Variants in FRMD4A observed in about 807,000 individuals in gnomAD.
FRMD4A encodes the protein FERM domain-containing protein 4A.
In FRMD4A, 29 loss-of-function variants were observed where a neutral mutation model predicts 129.1. The ratio of observed to expected loss-of-function variants is 0.22; its 90% CI spans 0.17 to 0.31. FRMD4A has a LOEUF of 0.31. Ranked by LOEUF, FRMD4A falls within the 10% of genes least tolerant of loss-of-function variation. The pLI, the probability that FRMD4A is intolerant of heterozygous loss-of-function variation, is 1.00. For synonymous variants in FRMD4A, 634 were observed against 571.6 expected, an observed-to-expected ratio of 1.11 and a Z score of -1.56; for missense variants, 1,272 against 1,375.8, an observed-to-expected ratio of 0.92 and a Z score of 1.19.
chr10:13,970,704 C>G (rs750620), intron 2 of FRMD4A, among the ~76,000 whole-genome samples: 24,715 of 152,092 alleles, frequency 0.16, 4,240 homozygotes, highest in African/African-American at 0.41. Context: ...GCTGCCTGCG[C>G]CCCCCACTCC....
At chr10:14,318,441 C>A (rs1467159391) in intron 2 of FRMD4A, among the ~76,000 whole-genome samples, 1 of 151,632 alleles carries the variant, frequency 6.6e-6, no homozygotes, top group Admixed American at 6.6e-5. Context: ...TCCCAATCAT[C>A]AATAAGAACT....
intron 4 of FRMD4A, 73 bp downstream of exon 4, chr10:13,810,741 A>G (rs1408377894): frequency 8.1e-6 from 6 of 744,504 alleles, no homozygotes; most frequent in Admixed American, 2.3e-5. Context: ...CGCTGCTAAC[A>G]GCTGGAGTGG....
intron 2 of FRMD4A, among the ~76,000 whole-genome samples, chr10:14,074,106 C>A (rs1202438149): frequency 6.6e-6 from 1 of 152,022 alleles, no homozygotes; most frequent in Admixed American, 6.6e-5. Flanking sequence ...GCAAGATAGT[C>A]TCAAAAAAAA....
chr10:14,163,646 G>C (rs146667261), intron 2 of FRMD4A, among the ~76,000 whole-genome samples: 29 of 152,340 alleles, frequency 1.9e-4, no homozygotes, highest in African/African-American at 7.0e-4. Context: ...GGATGAATAA[G>C]CAAATGAGAT....
chr10:14,230,376 T>C (rs1255575939), intron 2 of FRMD4A, among the ~76,000 whole-genome samples: 3 of 152,228 alleles, frequency 2.0e-5, no homozygotes, highest in African/African-American at 4.8e-5. Context: ...CAAATTTCTT[T>C]AGCTATTCTA....
At chr10:14,060,651 C>T (rs939562743) in intron 2 of FRMD4A, among the ~76,000 whole-genome samples, 2 of 152,100 alleles carry the variant, frequency 1.3e-5, no homozygotes, top group South Asian at 2.1e-4. Context: ...GTGTCAAATG[C>T]CTCATTTTCA....
chr10:14,182,552 CA>C (rs201020861), intron 2 of FRMD4A, among the ~76,000 whole-genome samples: 1 of 152,046 alleles, frequency 6.6e-6, no homozygotes, highest in African/African-American at 2.4e-5. Flanking sequence ...TCTGACAAGA[CA>C]AAAATTTTTT....
rs767309844 is a variant in FRMD4A at position 13,659,403 on chromosome 10, G to A, written c.1986C>T (p.Leu662=). ...TGCTGGACTGGGAGTTCCAGTGCGG[G>A]AGGCCGCGGATGGGGCTGTTCTGCA... ...NSLQNSPIRG[L]PHWNSQSSMP... is the part of the protein sequence containing the mutation. Residue 662 remains leucine (L), a synonymous_variant, in exon 21 of 25, where the codon CTC becomes CTT. Coordinates refer to ENST00000357447, the MANE Select transcript of FRMD4A (RefSeq NM_018027.5). 8 of 1,613,990 alleles carry A rather than the reference G, an allele frequency of 5.0e-6. No homozygotes were observed. The highest frequency in any genetic ancestry group is 1.3e-5 in the African/African-American group (1 of 74,942).
At chr10:13,979,211 T>TA (rs2095552318) in intron 2 of FRMD4A, among the ~76,000 whole-genome samples, 1 of 152,066 alleles carries the variant, frequency 6.6e-6, no homozygotes, top group African/African-American at 2.4e-5. Flanking sequence ...AAAAAATACA[T>TA]ATTTGTTTTG....
intron 13 of FRMD4A, among the ~76,000 whole-genome samples, chr10:13,702,150 C>T (rs2086894606): frequency 6.6e-6 from 1 of 152,172 alleles, no homozygotes; most frequent in African/African-American, 2.4e-5. Flanking sequence ...CAGCTCACTG[C>T]AACCTCCACC....
At chr10:14,004,467 A>C (rs2095654347) in intron 2 of FRMD4A, among the ~76,000 whole-genome samples, 1 of 152,162 alleles carries the variant, frequency 6.6e-6, no homozygotes, top group Non-Finnish European at 1.5e-5. Flanking sequence ...ACTTGAACCC[A>C]GGAGGTGGAG....
chr10:13,924,410 C>T (rs200308153), intron 2 of FRMD4A, among the ~76,000 whole-genome samples: 2 of 147,386 alleles, frequency 1.4e-5, no homozygotes, highest in Admixed American at 6.8e-5. Context: ...CTTCTCGTTC[C>T]TTTTTTTTTT....
chr10:14,230,522 T>G (rs775293633), intron 2 of FRMD4A, among the ~76,000 whole-genome samples: 37 of 152,344 alleles, frequency 2.4e-4, no homozygotes, highest in Admixed American at 3.9e-4. Context: ...GTTATCATTA[T>G]TGTCATTTGT....
intron 3 of FRMD4A, among the ~76,000 whole-genome samples, chr10:13,842,190 A>G (rs998093982): frequency 6.6e-6 from 1 of 152,194 alleles, no homozygotes; most frequent in Non-Finnish European, 1.5e-5. Flanking sequence ...AATCCAAACA[A>G]TTATCCCAAG....
intron 2 of FRMD4A, among the ~76,000 whole-genome samples, chr10:14,042,924 C>CAAAAAA (rs57492155): frequency 9.1e-4 from 57 of 62,792 alleles, no homozygotes; most frequent in East Asian, 1.5e-3. Context: ...GACTCCATCT[C>CAAAAAA]AAAAAAAAAA....
At chr10:14,039,455 AATCTATCTATCTATCTATCTATCT>A (rs71388152) in intron 2 of FRMD4A, among the ~76,000 whole-genome samples, 89 of 64,644 alleles carry the variant, frequency 1.4e-3, no homozygotes, top group African/African-American at 3.9e-3. Flanking sequence ...AAAATCAATC[AATCTATCTATCTATCTATCTATCT>A]ATCTATCTAT....
chr10:14,238,317 T>A (rs989292536), intron 2 of FRMD4A, among the ~76,000 whole-genome samples: 5 of 152,210 alleles, frequency 3.3e-5, no homozygotes, highest in African/African-American at 9.7e-5. Context: ...CGGCACTACA[T>A]GAGTCCAGGT....
In FRMD4A at chr10:13,802,367, A is replaced by T. The variant is rs7069908; in HGVS notation, c.207-5779T>A. ...AGACCCAGGGGGAGAATGACACTGC[A>T]CAGCTTCTAGATGTTTTTATTGTAG... On this transcript the variant is annotated intron_variant, in intron 4 of 24. Coordinates refer to ENST00000357447, the MANE Select transcript of FRMD4A (RefSeq NM_018027.5). Among the ~76,000 whole-genome samples the T allele has an allele frequency of 3.9e-3, 596 of 152,264 alleles. 12 individuals carry two copies. Among genetic ancestry groups the T allele is most frequent in the African/African-American group, 0.013 (555 of 41,546 alleles).
At chr10:13,747,616 T>C in intron 9 of FRMD4A, 120 bp downstream of exon 9, 1 of 594,676 alleles carries the variant, frequency 1.7e-6, no homozygotes, top group East Asian at 2.7e-5. Context: ...GGGTACTTAA[T>C]ACAGCTGCAA....
Sources: gnomAD v4.1 joint callset for allele counts (sites outside exome capture counted in the v4.1 genomes callset) on GRCh38, gnomAD v4.1.1 for gene constraint, MANE v1.5 for transcripts, NCBI Gene and HGNC (gene_info 2026-07-23, HGNC 2026-07-21) for gene names.